Variants in IRAK1 observed in about 807,000 individuals in gnomAD.
The protein encoded by IRAK1 is interleukin 1 receptor associated kinase 1, also known as interleukin-1 receptor-associated kinase 1.
IRAK1 carries 9 observed loss-of-function variants against 49.8 expected under a neutral mutation model. The observed-to-expected ratio is 0.18, with a 90% confidence interval of 0.11 to 0.32. The LOEUF is 0.32. IRAK1 is among the 10% of genes least tolerant of loss of function. IRAK1 has a pLI of 1.00. For missense variants in IRAK1, 418 were observed against 600.5 expected (o/e 0.70, Z 3.18); for synonymous variants, 282 against 270.8 (o/e 1.04, Z -0.41).
intron 13 of IRAK1, among the ~76,000 whole-genome samples, 177 bp from the exon 14 acceptor site, chrX:154,012,094 G>C (rs182785904): frequency 8.0e-4 from 90 of 112,734 alleles, no homozygotes; most frequent in Non-Finnish European, 1.5e-3. Context: ...CTCCCAGGCT[G>C]GAGTGCAGTG....
chrX:154,015,911 G>A, intron 10 of IRAK1, 121 bp downstream of exon 10: 1 of 593,486 alleles, frequency 1.7e-6, no homozygotes, highest in South Asian at 2.4e-5. Context: ...TCAAAAATGA[G>A]GCCACTGTGG....
Position 154,017,458 on chromosome X carries a change from C to T in IRAK1, c.910-391G>A, listed in dbSNP as rs782122025. Among the ~76,000 whole-genome samples, 29 of 112,287 alleles carry T rather than the reference C, an allele frequency of 2.6e-4. No homozygotes were observed. The South Asian group carries it at 3.6e-3, about 14-fold the overall frequency. ...GCTTGCTGATGAGACCCTCCAGCTACGCTGCTTGCAAAGGGGAGAGGCCTG... is the reference window on the plus strand; with the variant it reads ...GCTTGCTGATGAGACCCTCCAGCTATGCTGCTTGCAAAGGGGAGAGGCCTG... On this transcript the variant is annotated intron_variant, in intron 7 of 13. Transcript: ENST00000369980.
intron 10 of IRAK1, 55 bp downstream of exon 10, chrX:154,015,977 C>T: frequency 9.7e-7 from 1 of 1,028,375 alleles, no homozygotes. Flanking sequence ...TGGGGCTGTG[C>T]CTGCTGGCTG....
intron 10 of IRAK1, among the ~76,000 whole-genome samples, chrX:154,015,410 C>A (rs782123099): frequency 1.8e-5 from 2 of 112,414 alleles, no homozygotes; most frequent in South Asian, 7.3e-4. Flanking sequence ...ACGGAGACCC[C>A]ACAGCACACA....
chrX:154,019,649 C>T, intron 1 of IRAK1, 28 bp downstream of exon 1: 1 of 958,211 alleles, frequency 1.0e-6, no homozygotes, highest in Non-Finnish European at 1.3e-6. Context: ...GCGCGCCTCC[C>T]GCCCCCCGGC....
At chrX:154,016,824 T>C in intron 8 of IRAK1, 125 bp downstream of exon 8, 1 of 637,417 alleles carries the variant, frequency 1.6e-6, no homozygotes, top group Non-Finnish European at 2.6e-6. Context: ...CCTTGGCCCG[T>C]TCCCACACCT....
Position 154,018,370 on chromosome X carries a change from G to A in IRAK1, c.730-15C>T. 2.6e-6 allele frequency: 3 copies of A among 1,151,061 alleles called. No individual in the cohort carries two copies. In the Admixed American group the frequency reaches 7.6e-5, roughly 29 times the overall value. The allele number at this position is 1,151,061 out of a possible 1,213,427, so 94.9% of individuals were successfully genotyped here. A position where few individuals can be genotyped will look rare whatever the true frequency, so the allele number is the denominator to read the frequency against. ...AGGTCAGCGTTCTGCAGCCCCCAGG[G>A]TGCGGTGGGGGAAGGGGCAGGGAAG... is the stretch of plus-strand genomic sequence containing the variant. On this transcript the variant is annotated splice_polypyrimidine_tract_variant and intron_variant, in intron 5 of 13. Transcript: ENST00000369980.
At position 154,012,786 on chromosome X, in the gene IRAK1, G is replaced by T. The variant is rs1353140192; in HGVS notation, c.1931-108C>A. ...CCTGAATTCCTCAGAGAAGTCCAAG[G>T]GCAGGGCCCAGCTCTCAGGCTACCA... On this transcript the variant is annotated intron_variant, in intron 12 of 13. Transcript: ENST00000369980. 3.3e-6 allele frequency: 3 copies of T among 916,203 alleles called. No individual in the cohort carries two copies. The African/African-American group carries it at 5.9e-5, about 18-fold the overall frequency. 75.5% of individuals were successfully genotyped at this position (916,203 alleles called of 1,213,427 possible).
chrX:154,018,786 G>C lies in IRAK1; in HGVS notation c.542C>G (p.Pro181Arg), dbSNP rs1557130442. The C allele has an allele frequency of 1.2e-6, 1 of 824,798 alleles. No individual in the cohort carries two copies. The highest frequency in any genetic ancestry group is 1.8e-6 in the Non-Finnish European group (1 of 545,731). 68.0% of individuals were successfully genotyped at this position (824,798 alleles called of 1,213,427 possible). The change falls in exon 5 of 14, where the codon CCA becomes CGA. Residue 181 changes from proline to arginine, a missense_variant and splice_region_variant. By Grantham distance (103) the Pro-to-Arg change is moderately radical. Around this residue, in one of 3 missense-constraint regions of IRAK1, gnomAD observed 377 missense variants for 499.5 expected, o/e 0.75. Transcript: ENST00000369980. ...PPSPAPSSTK[P>R]GPESSVSLLQ... ...GAGGGACACTGAGCTCTCTGGGCCT[G>C]GCTGTGGGAAGAGAGCCTGGATCAG...
intron 6 of IRAK1, 70 bp from the exon 7 acceptor site, chrX:154,018,190 C>G: frequency 9.3e-7 from 1 of 1,072,169 alleles, no homozygotes; most frequent in Non-Finnish European, 1.3e-6. Flanking sequence ...GGCCTCAGCT[C>G]GCCCGGGCCT....
At chrX:154,013,890 G>A (rs1276664912) in intron 11 of IRAK1, 152 bp downstream of exon 11, 4 of 791,838 alleles carry the variant, frequency 5.1e-6, no homozygotes, top group Non-Finnish European at 7.1e-6. Context: ...CAGTTCAGAG[G>A]GGCGCTGCCC....
rs781848227 is a variant in IRAK1, at chrX:154,018,095, A to G, written c.820T>C (p.Phe274Leu). The part of the protein sequence containing the change: ...SRFRHPNIVD[F>L]AGYCAQNGFY... ...CCGTTCTGAGCACAGTAGCCAGCAA[A>G]GTCCACAATGTTTGGGTGACGAAAC... The change falls in exon 7 of 14, where the codon TTT (phenylalanine) becomes CTT (leucine). Residue 274 changes from phenylalanine to leucine, a missense_variant. Around this residue, in one of 3 missense-constraint regions of IRAK1, gnomAD observed 377 missense variants for 499.5 expected, o/e 0.75. Coordinates refer to ENST00000369980, the MANE Select transcript of IRAK1 (RefSeq NM_001569.4). 8.3e-7 allele frequency: 1 copy of G among 1,210,112 alleles called. No individual in the cohort carries two copies. The highest frequency in any genetic ancestry group is 1.1e-6 in the Non-Finnish European group (1 of 893,625).
intron 11 of IRAK1, among the ~76,000 whole-genome samples, chrX:154,013,678 C>T (rs1469350487): frequency 8.8e-6 from 1 of 113,175 alleles, no homozygotes; most frequent in Non-Finnish European, 1.9e-5. Context: ...ATGAATCTCA[C>T]TGCCCCGCTG....
In IRAK1 at chrX:154,019,260, C is replaced by A. The variant is rs781919207; in HGVS notation, c.373G>T (p.Ala125Ser). 5.0e-6 allele frequency: 6 copies of A among 1,201,044 alleles called. No individual in the cohort carries two copies. Among genetic ancestry groups the A allele is most frequent in the Non-Finnish European group, 4.5e-6 (4 of 890,473 alleles). ...CGGGGGCTCCAGGCCTCGGCCTCGG[C>A]GGGTGCAGGGATGCTGCTGGGCCTC... Reference protein sequence around the residue: ...APRPSSIPAPAEAEAWSPRKL... With the variant: ...APRPSSIPAPSEAEAWSPRKL... The change falls in exon 3 of 14, where the codon GCC becomes TCC. Residue 125 changes from alanine (A) to serine (S), a missense_variant. Ala to Ser is a moderately conservative substitution (Grantham distance 99, BLOSUM62 1). Coordinates refer to ENST00000369980, the MANE Select transcript of IRAK1 (RefSeq NM_001569.4).
rs367879651 is a variant in IRAK1 at position 154,011,742 on chromosome X, C to T, written c.*117G>A. 3.1e-5 allele frequency: 22 copies of T among 719,127 alleles called. No individual in the cohort carries two copies. Among genetic ancestry groups the T allele is most frequent in the African/African-American group, 1.0e-4 (5 of 48,178 alleles). 59.3% of individuals were successfully genotyped at this position (719,127 alleles called of 1,213,427 possible). Reference sequence around the variant, plus strand: ...CAGGGCCACCTCCTTCTCTCCCCCGCGGGCATGGGCCCCCACCCCCACTGC... The same window carrying T: ...CAGGGCCACCTCCTTCTCTCCCCCGTGGGCATGGGCCCCCACCCCCACTGC... On this transcript the variant is annotated 3_prime_UTR_variant, in exon 14 of 14. Coordinates refer to ENST00000369980, the MANE Select transcript of IRAK1 (RefSeq NM_001569.4).
chrX:154,015,187 G>C (rs2065730180), intron 10 of IRAK1, among the ~76,000 whole-genome samples: 1 of 112,294 alleles, frequency 8.9e-6, no homozygotes. Context: ...AACCACATAA[G>C]GGACTGGGCC....
chrX:154,013,007 TTGGTCCCTCTCC>T (rs1557127919), intron 12 of IRAK1, 24 bp downstream of exon 12: 2 of 1,194,589 alleles, frequency 1.7e-6, no homozygotes, highest in African/African-American at 3.5e-5. Context: ...CAAAGAGGCC[TTGGTCCCTCTCC>T]TGGGAACCCG....
intron 10 of IRAK1, among the ~76,000 whole-genome samples, chrX:154,014,660 G>C (rs1557128660): frequency 9.0e-6 from 1 of 111,724 alleles, no homozygotes; most frequent in African/African-American, 3.3e-5. Context: ...TGGGATTACA[G>C]GTGTGTACCA....
rs782445634 is a variant in IRAK1, at chrX:154,018,964, G to A, written c.540+11C>T. 1.7e-6 allele frequency: 2 copies of A among 1,167,131 alleles called. No homozygotes were observed. Among genetic ancestry groups the A allele is most frequent in the Non-Finnish European group, 2.3e-6 (2 of 864,384 alleles). On this transcript the variant is annotated intron_variant, in intron 4 of 13. Coordinates refer to ENST00000369980, the MANE Select transcript of IRAK1 (RefSeq NM_001569.4). ...GTCTCGAATCTTCCCTGGGGGGCAG[G>A]GGACACCTACCTTGGTAGAAGAAGG...
Sources: allele counts gnomAD v4.1 joint callset (sites outside exome capture counted in the v4.1 genomes callset), GRCh38; gene constraint gnomAD v4.1.1; regional missense constraint gnomAD v4.1.1; transcripts MANE v1.5; gene names NCBI Gene and HGNC (gene_info 2026-07-23, HGNC 2026-07-21).